MED15: variants seen among roughly 807,000 people sequenced by gnomAD.
MED15 encodes mediator of RNA polymerase II transcription subunit 15.
In MED15, 41 loss-of-function variants were observed where a neutral mutation model predicts 118.7. The ratio of observed to expected loss-of-function variants is 0.35; its 90% CI spans 0.27 to 0.45. The LOEUF (loss-of-function observed/expected upper bound fraction) is 0.45. MED15 is among the 20% of genes least tolerant of loss of function. The pLI is 1.00. For synonymous variants in MED15, 436 were observed against 413.9 expected, an observed-to-expected ratio of 1.05 and a Z score of -0.65; for missense variants, 740 against 1,025.5, an observed-to-expected ratio of 0.72 and a Z score of 3.80.
intron 5 of MED15, among the ~76,000 whole-genome samples, chr22:20,562,521 A>AT (rs567469251): frequency 4.9e-4 from 75 of 152,042 alleles, no homozygotes; most frequent in African/African-American, 1.7e-3. Flanking sequence ...AGTAGCTGGG[A>AT]TTACAGGCAC....
intron 1 of MED15, chr22:20,523,567 C>T (rs970836865): frequency 2.6e-6 from 2 of 759,764 alleles, no homozygotes. Context: ...TCTAAAAGAT[C>T]GAGCTTCCCC....
chr22:20,550,847 C>T, intron 2 of MED15: 1 of 319,668 alleles, frequency 3.1e-6, no homozygotes. Context: ...CAGCCAGTGG[C>T]CTTCACCTCA....
chr22:20,529,747 C>G (rs557172364), intron 1 of MED15, among the ~76,000 whole-genome samples: 199 of 152,242 alleles, frequency 1.3e-3, no homozygotes, highest in Non-Finnish European at 2.4e-3. Context: ...TTGCAGCGCC[C>G]ACCACCTTGC....
In MED15 at chr22:20,582,605, T is replaced by C; in HGVS notation, c.1273-6T>C. On this transcript the variant is annotated splice_polypyrimidine_tract_variant and splice_region_variant and intron_variant, in intron 9 of 17. Transcript: ENST00000263205. ...CAGCGCGCCGGCTGAGCCCCTCCAC[T>C]TCCAGGTCAGCCAGAGCAGCCTCCC... 2 of 1,546,376 alleles carry C rather than the reference T, an allele frequency of 1.3e-6. No individual in the cohort carries two copies. The highest frequency in any genetic ancestry group is 1.7e-6 in the Non-Finnish European group (2 of 1,151,822).
intron 4 of MED15, 153 bp from the exon 5 acceptor site, chr22:20,554,783 G>A: frequency 1.4e-6 from 1 of 693,560 alleles, no homozygotes; most frequent in East Asian, 2.7e-5. Context: ...ATATTTGGGA[G>A]TCTCCAGGAG....
At chr22:20,522,861 A>T (rs1049702021) in intron 1 of MED15, 1 of 152,324 alleles carries the variant, frequency 6.6e-6, no homozygotes, top group African/African-American at 2.4e-5. Context: ...TGGTGGGCAG[A>T]GCAGATGTGA....
intron 1 of MED15, among the ~76,000 whole-genome samples, chr22:20,528,186 G>A (rs963169957): frequency 6.6e-6 from 1 of 152,026 alleles, no homozygotes; most frequent in African/African-American, 2.4e-5. Flanking sequence ...ACTCTGAGAG[G>A]GACCCTCCAA....
intron 1 of MED15, among the ~76,000 whole-genome samples, chr22:20,531,912 G>T (rs955667853): frequency 6.6e-6 from 1 of 152,220 alleles, no homozygotes; most frequent in African/African-American, 2.4e-5. Context: ...GCCCTAACAG[G>T]CCTGATGGGA....
At chr22:20,509,164 G>A (rs1032289925) in intron 1 of MED15, among the ~76,000 whole-genome samples, 1 of 152,078 alleles carries the variant, frequency 6.6e-6, no homozygotes, top group African/African-American at 2.4e-5. Flanking sequence ...GAGTAAGAGA[G>A]CCCAGGAGAT....
Position 20,564,477 on chromosome 22 carries a change from TGCAGCA to T in MED15, c.489_494del (p.Gln167_Gln168del). The T allele has an allele frequency of 6.2e-7, 1 of 1,612,556 alleles. No homozygotes were observed. The highest frequency in any genetic ancestry group is 8.5e-7 in the Non-Finnish European group (1 of 1,179,240). On this transcript the variant is annotated inframe_deletion, in exon 6 of 18. Transcript: ENST00000263205. ...CAGCTGCAGCTCCAGCAGGTGGCGC[TGCAGCA>T]GCAGCAGCAACAGCAGCAGTTCCAG...
intron 1 of MED15, among the ~76,000 whole-genome samples, chr22:20,532,871 G>A (rs2146424071): frequency 6.6e-6 from 1 of 152,330 alleles, no homozygotes; most frequent in South Asian, 2.1e-4. Context: ...TTCCCGGCTT[G>A]CTTGTGTGGG....
chr22:20,539,480 G>A lies in MED15; in HGVS notation c.156+2276G>A, dbSNP rs118084073. Among the ~76,000 whole-genome samples the A allele has an allele frequency of 6.5e-3, 986 of 152,236 alleles. 6 individuals carry two copies. Among genetic ancestry groups the A allele is most frequent in the Non-Finnish European group, 0.011 (738 of 68,012 alleles). On this transcript the variant is annotated intron_variant, in intron 2 of 17. Transcript: ENST00000263205. ...CATATCACATATTTTATAGCCATTC[G>A]TTAGTTGGTGGACATTTACATAGTT...
Position 20,508,686 on chromosome 22 carries a change from G to A in MED15, c.68+940G>A, listed in dbSNP as rs1054886383. Among the ~76,000 whole-genome samples, 3 of 152,158 alleles carry A rather than the reference G, an allele frequency of 2.0e-5. No individual in the cohort carries two copies. In the East Asian group the frequency reaches 5.8e-4, roughly 29 times the overall value. On this transcript the variant is annotated intron_variant, in intron 1 of 17. Coordinates refer to ENST00000263205, the MANE Select transcript of MED15 (RefSeq NM_001003891.3). The stretch of plus-strand genomic sequence containing the variant: ...ACAAAGTACATTGATCAGTTAGGGT[G>A]GGGCAGGAACAAATCACAATGGTGG...
Position 20,507,862 on chromosome 22 carries a change from G to T in MED15, c.68+116G>T, listed in dbSNP as rs917408. ...CGGCGCCGGGAGACAGAAGGCGCCGGGGACTTGCGTGGGTCCCAGGGCTCG... is the reference window on the plus strand; with the variant it reads ...CGGCGCCGGGAGACAGAAGGCGCCGTGGACTTGCGTGGGTCCCAGGGCTCG... On this transcript the variant is annotated intron_variant, in intron 1 of 17. Coordinates refer to ENST00000263205, the MANE Select transcript of MED15 (RefSeq NM_001003891.3). The T allele has an allele frequency of 0.012, 17,622 of 1,525,444 alleles. 2,633 individuals are homozygous for T. The Admixed American group carries it at 0.3, about 26-fold the overall frequency. The allele number at this position is 1,525,444 out of a possible 1,614,324, so 94.5% of individuals were successfully genotyped here. A position where few individuals can be genotyped will look rare whatever the true frequency, so the allele number is the denominator to read the frequency against.
intron 2 of MED15, among the ~76,000 whole-genome samples, chr22:20,549,407 A>G (rs934579456): frequency 3.6e-4 from 54 of 148,818 alleles, no homozygotes; most frequent in Admixed American, 1.1e-3. Context: ...CAGCAGTTCT[A>G]GGGGAGTTGG....
At chr22:20,535,191 C>T (rs2055018816) in intron 1 of MED15, among the ~76,000 whole-genome samples, 1 of 152,206 alleles carries the variant, frequency 6.6e-6, no homozygotes. Flanking sequence ...CTCCTGACCT[C>T]AGGTGATCCA....
chr22:20,582,046 A>G (rs1479205827), intron 9 of MED15: 1 of 156,310 alleles, frequency 6.4e-6, no homozygotes, highest in Non-Finnish European at 1.4e-5. Flanking sequence ...GGGCCACCTC[A>G]CTCCAATTAA....
At chr22:20,527,050 T>C (rs1274009791) in intron 1 of MED15, among the ~76,000 whole-genome samples, 1 of 152,186 alleles carries the variant, frequency 6.6e-6, no homozygotes, top group Non-Finnish European at 1.5e-5. Context: ...GCGCTGCCCT[T>C]GTGCTGGCTT....
chr22:20,512,051 C>CGATG (rs1488855466), intron 1 of MED15, among the ~76,000 whole-genome samples: 1 of 137,916 alleles, frequency 7.3e-6, no homozygotes, highest in Non-Finnish European at 1.5e-5. Context: ...TGCAGTGGTA[C>CGATG]GATGATAGCT....
Sources: gnomAD v4.1 joint callset for allele counts (sites outside exome capture counted in the v4.1 genomes callset) on GRCh38, gnomAD v4.1.1 for gene constraint, MANE v1.5 for transcripts, NCBI Gene and HGNC (gene_info 2026-07-23, HGNC 2026-07-21) for gene names.